The following DPYD variants were observed in gnomAD, a reference collection of about 807,000 sequenced individuals.
DPYD encodes the protein dihydropyrimidine dehydrogenase [NADP(+)].
A neutral mutation model predicts 116.2 loss-of-function variants in DPYD; 109 were observed. The ratio of observed to expected loss-of-function variants is 0.94; its 90% confidence interval spans 0.80 to 1.10. DPYD has a LOEUF of 1.10. Ranked by LOEUF, DPYD falls within the 50% of genes least tolerant of loss-of-function variation. DPYD has a pLI of 0.00. For synonymous variants in DPYD, 440 were observed against 432.0 expected, an observed-to-expected ratio of 1.02 and a Z score of -0.23; for missense variants, 1,302 against 1,254.5, an observed-to-expected ratio of 1.04 and a Z score of -0.57.
chr1:97,515,698 C>A (rs1648169065), intron 13 of DPYD, 28 bp downstream of exon 13: 1 of 1,591,746 alleles, frequency 6.3e-7, no homozygotes, highest in Non-Finnish European at 8.6e-7. Flanking sequence ...ATAGACATTT[C>A]TATATGACTT....
At chr1:97,542,644 T>C (rs1391664223) in intron 12 of DPYD, among the ~76,000 whole-genome samples, 2 of 152,212 alleles carry the variant, frequency 1.3e-5, no homozygotes, top group Non-Finnish European at 2.9e-5. Context: ...TTGATGCTTT[T>C]TATTATTGTG....
intron 14 of DPYD, among the ~76,000 whole-genome samples, chr1:97,441,134 AT>A (rs1490624075): frequency 6.6e-6 from 1 of 151,816 alleles, no homozygotes; most frequent in East Asian, 1.9e-4. Flanking sequence ...CACTGGTTTG[AT>A]TAATCTGATT....
intron 18 of DPYD, among the ~76,000 whole-genome samples, chr1:97,252,566 T>A (rs1301913878): frequency 6.6e-6 from 1 of 152,162 alleles, no homozygotes; most frequent in Admixed American, 6.6e-5. Context: ...ATCACAGATA[T>A]GTTAAATCTA....
At chr1:97,146,847 A>G (rs1654668567) in intron 20 of DPYD, among the ~76,000 whole-genome samples, 1 of 152,194 alleles carries the variant, frequency 6.6e-6, no homozygotes. Context: ...CTTAGTTTAG[A>G]GGAGATAAAT....
chr1:97,162,033 C>A (rs533190380), intron 20 of DPYD, among the ~76,000 whole-genome samples: 2 of 151,734 alleles, frequency 1.3e-5, no homozygotes, highest in Non-Finnish European at 2.9e-5. Flanking sequence ...AATAAACATA[C>A]GTGTGCATGT....
chr1:97,333,991 T>C (rs956135138), intron 16 of DPYD, among the ~76,000 whole-genome samples: 5 of 152,200 alleles, frequency 3.3e-5, no homozygotes, highest in Non-Finnish European at 5.9e-5. Context: ...AGAATTTACG[T>C]TAATAGCATT....
At chr1:97,762,913 G>A (rs1383038676) in intron 3 of DPYD, among the ~76,000 whole-genome samples, 1 of 152,020 alleles carries the variant, frequency 6.6e-6, no homozygotes, top group East Asian at 1.9e-4. Flanking sequence ...CAACTGCTGT[G>A]AGCCTCACTT....
chr1:97,700,597 CACTT>C (rs1257864369), intron 5 of DPYD, among the ~76,000 whole-genome samples: 1 of 151,948 alleles, frequency 6.6e-6, no homozygotes, highest in East Asian at 1.9e-4. Context: ...CGATAGAATG[CACTT>C]TCTGTGAATA....
intron 13 of DPYD, among the ~76,000 whole-genome samples, chr1:97,458,337 A>G (rs2101815755): frequency 6.6e-6 from 1 of 152,322 alleles, no homozygotes; most frequent in South Asian, 2.1e-4. Flanking sequence ...CATTTCTACA[A>G]CATGGTTAAC....
chr1:97,255,548 T>C (rs1386763864), intron 18 of DPYD, among the ~76,000 whole-genome samples: 1 of 152,158 alleles, frequency 6.6e-6, no homozygotes, highest in Non-Finnish European at 1.5e-5. Flanking sequence ...TGTGACTTGC[T>C]CCTCTTTGCC....
intron 12 of DPYD, among the ~76,000 whole-genome samples, chr1:97,533,820 G>A (rs745931985): frequency 4.6e-5 from 7 of 152,096 alleles, no homozygotes; most frequent in South Asian, 2.1e-4. Flanking sequence ...GAAAACCAGC[G>A]TAGTTGCCCA....
chr1:97,619,242 A>T (rs753361500), intron 8 of DPYD, among the ~76,000 whole-genome samples: 2 of 152,220 alleles, frequency 1.3e-5, no homozygotes, highest in African/African-American at 4.8e-5. Context: ...TAGGATTGCT[A>T]GAGATGCCTA....
At chr1:97,370,443 G>A (rs1027593528) in intron 16 of DPYD, among the ~76,000 whole-genome samples, 1 of 152,098 alleles carries the variant, frequency 6.6e-6, no homozygotes, top group African/African-American at 2.4e-5. Context: ...AGGGCTGAGA[G>A]CATTAGGACA....
chr1:97,434,283 T>C (rs1280491259), intron 14 of DPYD, among the ~76,000 whole-genome samples: 1 of 152,122 alleles, frequency 6.6e-6, no homozygotes, highest in Non-Finnish European at 1.5e-5. Flanking sequence ...AGTTAACTCA[T>C]TCCTTATTAA....
chr1:97,563,188 T>C (rs935523634), intron 11 of DPYD, among the ~76,000 whole-genome samples: 1 of 152,240 alleles, frequency 6.6e-6, no homozygotes, highest in Non-Finnish European at 1.5e-5. Context: ...TTTTATAGTT[T>C]AATTAAATCT....
Position 97,195,670 on chromosome 1 carries a change from A to G in DPYD, c.2443-2422T>C, listed in dbSNP as rs1476173821. Among the ~76,000 whole-genome samples, 71 of 63,244 alleles carry G rather than the reference A, an allele frequency of 1.1e-3. 9 individuals are homozygous for G. The highest frequency in any genetic ancestry group is 4.1e-3 in the African/African-American group (55 of 13,304). The allele number at this position is 63,244 out of a possible 152,430, so 41.5% of individuals were successfully genotyped here. A position where few individuals can be genotyped will look rare whatever the true frequency, so the allele number is the denominator to read the frequency against. On this transcript the variant is annotated intron_variant, in intron 19 of 22. Coordinates refer to ENST00000370192, the MANE Select transcript of DPYD (RefSeq NM_000110.4). ...TATATATATATATATATATATATAT[A>G]TATATATATATATATATATGCCTAG... is the stretch of plus-strand genomic sequence containing the variant.
At chr1:97,706,992 C>G (rs1360573222) in intron 5 of DPYD, among the ~76,000 whole-genome samples, 1 of 152,076 alleles carries the variant, frequency 6.6e-6, no homozygotes, top group East Asian at 1.9e-4. Flanking sequence ...TCTCCTAATC[C>G]TGTCAGCATT....
chr1:97,144,897 A>C (rs1654501432), intron 20 of DPYD, among the ~76,000 whole-genome samples: 1 of 152,130 alleles, frequency 6.6e-6, no homozygotes, highest in Non-Finnish European at 1.5e-5. Flanking sequence ...TCTCTCACTA[A>C]ATCTTGCAAA....
At chr1:97,744,918 C>T (rs1260342678) in intron 3 of DPYD, among the ~76,000 whole-genome samples, 3 of 151,984 alleles carry the variant, frequency 2.0e-5, no homozygotes, top group Non-Finnish European at 4.4e-5. Context: ...TCCTTTGCTT[C>T]CAGACCCTAT....
Sources: allele counts gnomAD v4.1 joint callset (sites outside exome capture counted in the v4.1 genomes callset), GRCh38; gene constraint gnomAD v4.1.1; transcripts MANE v1.5; gene names NCBI Gene and HGNC (gene_info 2026-07-23, HGNC 2026-07-21).